The following ZNF431 variants were observed in gnomAD, a reference collection of about 807,000 sequenced individuals.
ZNF431 encodes the protein zinc finger protein 431.
In ZNF431, 34 loss-of-function variants were observed where a neutral mutation model predicts 57.0. The observed-to-expected ratio is 0.60, with a 90% CI of 0.45 to 0.79. ZNF431 has a LOEUF of 0.79. ZNF431 is among the 30% of genes least tolerant of loss of function. The pLI is 0.00. For synonymous variants in ZNF431, 207 were observed against 220.3 expected (o/e 0.94, Z 0.54); for missense variants, 607 against 667.1 (o/e 0.91, Z 0.99).
chr19:21,181,053 T>G (rs575121410), intron 4 of ZNF431, among the ~76,000 whole-genome samples: 56 of 152,312 alleles, frequency 3.7e-4, no homozygotes, highest in African/African-American at 1.1e-3. Context: ...GTTGTATATT[T>G]GCTAACAAAT....
At chr19:21,169,879 C>T in intron 4 of ZNF431, 1 of 398,584 alleles carries the variant, frequency 2.5e-6, no homozygotes, top group Non-Finnish European at 4.4e-6. Context: ...CAGTAAAAAC[C>T]AAGGTCTGTA....
In ZNF431 at chr19:21,182,763, T is replaced by C; in HGVS notation, c.460T>C (p.Tyr154His). Residue 154 changes from tyrosine (Y) to histidine (H), a missense_variant, in exon 5 of 5, where the codon TAT becomes CAT. By Grantham distance (83) the Tyr-to-His change is moderately conservative. Transcript: ENST00000311048. ...AAAAGGCTCCGCAAGTGTAGATGAGTATAAGGTGCACAAAGAAGGTTATAA... is the reference window on the plus strand; with the variant it reads ...AAAAGGCTCCGCAAGTGTAGATGAGCATAAGGTGCACAAAGAAGGTTATAA... ...LRKGSASVDEYKVHKEGYNEL... is the reference protein window; with the variant it reads ...LRKGSASVDEHKVHKEGYNEL... 1 of 1,613,650 alleles carries C rather than the reference T, an allele frequency of 6.2e-7. No individual in the cohort carries two copies. The highest frequency in any genetic ancestry group is 2.2e-5 in the East Asian group (1 of 44,810).
At chr19:21,175,372 G>T in intron 4 of ZNF431, 1 of 685,838 alleles carries the variant, frequency 1.5e-6, no homozygotes, top group Non-Finnish European at 2.6e-6. Context: ...TAAAATGACT[G>T]CTTAAAGATA....
Position 21,183,618 on chromosome 19 carries a change from C to A in ZNF431, c.1315C>A (p.Arg439=). 1 of 1,613,104 alleles carries A rather than the reference C, an allele frequency of 6.2e-7. No individual in the cohort carries two copies. Among genetic ancestry groups the A allele is most frequent in the South Asian group, 1.1e-5 (1 of 91,030 alleles). Residue 439 remains arginine, a synonymous_variant, in exon 5 of 5, where the codon CGG becomes AGG. Coordinates refer to ENST00000311048, the MANE Select transcript of ZNF431 (RefSeq NM_133473.4). The part of the protein sequence containing the change: ...KCEECGKAFN[R]SPQLTAHKII... ...TGAAGAATGTGGCAAAGCTTTTAACCGGTCCCCACAACTTACTGCACATAA... is the reference window on the plus strand; with the variant it reads ...TGAAGAATGTGGCAAAGCTTTTAACAGGTCCCCACAACTTACTGCACATAA...
intron 4 of ZNF431, among the ~76,000 whole-genome samples, chr19:21,178,052 C>G (rs977520828): frequency 6.6e-6 from 1 of 152,040 alleles, no homozygotes; most frequent in African/African-American, 2.4e-5. Context: ...GTTAGATTTA[C>G]TCCTTGGTAC....
rs559577868 is a variant in ZNF431 at position 21,174,802 on chromosome 19, C to G, written c.319+7136C>G. 7.2e-5 allele frequency among the ~76,000 whole-genome samples: 11 copies of G among 152,140 alleles called. No homozygotes were observed. The East Asian group carries it at 2.1e-3, about 29-fold the overall frequency. ...TTTTTATTTTTTTGAGATGGCATCTCGCTCTGTCACCCAGGCTGGAGAGCA... is the reference window on the plus strand; with the variant it reads ...TTTTTATTTTTTTGAGATGGCATCTGGCTCTGTCACCCAGGCTGGAGAGCA... On this transcript the variant is annotated intron_variant, in intron 4 of 4. Coordinates refer to ENST00000311048, the MANE Select transcript of ZNF431 (RefSeq NM_133473.4).
At position 21,187,868 on chromosome 19, in the gene ZNF431, C is replaced by G. The variant is rs1325382191; in HGVS notation, c.*3834C>G. 6.6e-6 allele frequency: 1 copy of G among 152,184 alleles called. No homozygotes were observed. Among genetic ancestry groups the G allele is most frequent in the Non-Finnish European group, 1.5e-5 (1 of 68,038 alleles). 9.4% of individuals were successfully genotyped at this position (152,184 alleles called of 1,614,324 possible). ...CAGTTTTCTTACTGTTGTCTTCATG[C>G]CATTTCATTTCACATGGTACTTTGT... On this transcript the variant is annotated 3_prime_UTR_variant, in exon 5 of 5. Transcript: ENST00000311048.
In ZNF431 at chr19:21,182,743, G is replaced by T. The variant is rs187363412; in HGVS notation, c.440G>T (p.Gly147Val). 1.5e-4 allele frequency: 239 copies of T among 1,613,876 alleles called. No homozygotes were observed. The highest frequency in any genetic ancestry group is 4.7e-4 in the Admixed American group (28 of 59,996). The part of the protein sequence containing the change: ...CEHENLQLRK[G>V]SASVDEYKVH... ...CATGAGAATTTACAGTTAAGAAAAGGCTCCGCAAGTGTAGATGAGTATAAG... is the reference window on the plus strand; with the variant it reads ...CATGAGAATTTACAGTTAAGAAAAGTCTCCGCAAGTGTAGATGAGTATAAG... Residue 147 changes from glycine (G) to valine (V), a missense_variant, in exon 5 of 5, where the codon GGC becomes GTC. Physicochemically the swap from Gly to Val is moderately radical, Grantham distance 109 (BLOSUM62 -3). Transcript: ENST00000311048.
At chr19:21,178,589 T>A (rs1971121893) in intron 4 of ZNF431, among the ~76,000 whole-genome samples, 1 of 152,200 alleles carries the variant, frequency 6.6e-6, no homozygotes, top group Non-Finnish European at 1.5e-5. Context: ...GATCTGTTTA[T>A]GTGATGAATT....
At chr19:21,157,689 G>A (rs1233086981) in intron 2 of ZNF431, among the ~76,000 whole-genome samples, 1 of 151,572 alleles carries the variant, frequency 6.6e-6, no homozygotes, top group Non-Finnish European at 1.5e-5. Flanking sequence ...GCGCCACCAC[G>A]CCTGGCTAAT....
At chr19:21,148,769 A>C (rs1970182633) in intron 2 of ZNF431, among the ~76,000 whole-genome samples, 1 of 152,208 alleles carries the variant, frequency 6.6e-6, no homozygotes, top group South Asian at 2.1e-4. Flanking sequence ...TTGGTAAGTA[A>C]GGAATTTTAA....
intron 4 of ZNF431, among the ~76,000 whole-genome samples, chr19:21,171,301 C>A (rs910234434): frequency 6.7e-6 from 1 of 149,486 alleles, no homozygotes; most frequent in Non-Finnish European, 1.5e-5. Context: ...CTAGACAATT[C>A]TTTTTTAATG....
chr19:21,173,977 ACT>A (rs924221917), intron 4 of ZNF431, among the ~76,000 whole-genome samples: 1 of 139,032 alleles, frequency 7.2e-6, no homozygotes, highest in African/African-American at 2.7e-5. Flanking sequence ...TGGGAGTCTC[ACT>A]CTCTCACCCA....
chr19:21,178,671 G>T (rs541168404), intron 4 of ZNF431, among the ~76,000 whole-genome samples: 13 of 152,022 alleles, frequency 8.6e-5, no homozygotes, highest in African/African-American at 2.7e-4. Context: ...ATCAATTTTT[G>T]TATGTTGAAC....
At chr19:21,145,647 A>G (rs912856582) in intron 2 of ZNF431, among the ~76,000 whole-genome samples, 2 of 152,180 alleles carry the variant, frequency 1.3e-5, no homozygotes, top group Non-Finnish European at 2.9e-5. Flanking sequence ...ATGAAAGGGG[A>G]CTGAGAGGAT....
intron 2 of ZNF431, among the ~76,000 whole-genome samples, chr19:21,158,899 A>G (rs1970497490): frequency 6.6e-6 from 1 of 152,146 alleles, no homozygotes; most frequent in Admixed American, 6.6e-5. Context: ...GTCTTGTGCC[A>G]GTTTTCAAGG....
intron 2 of ZNF431, among the ~76,000 whole-genome samples, chr19:21,155,811 T>C (rs1970400969): frequency 6.6e-6 from 1 of 152,148 alleles, no homozygotes; most frequent in South Asian, 2.1e-4. Context: ...TCTACAGATT[T>C]GGTGGCAGAA....
intron 2 of ZNF431, among the ~76,000 whole-genome samples, chr19:21,146,075 G>A (rs1254202957): frequency 6.6e-6 from 1 of 152,136 alleles, no homozygotes; most frequent in Non-Finnish European, 1.5e-5. Flanking sequence ...AATGTGCAGA[G>A]TTCTACCAGA....
chr19:21,173,256 A>AAT (rs1970958153), intron 4 of ZNF431, among the ~76,000 whole-genome samples: 1 of 152,160 alleles, frequency 6.6e-6, no homozygotes, highest in Non-Finnish European at 1.5e-5. Context: ...TGGATGTTCA[A>AAT]ATATGTCTTC....
Sources: allele counts gnomAD v4.1 joint callset (sites outside exome capture counted in the v4.1 genomes callset), GRCh38; gene constraint gnomAD v4.1.1; transcripts MANE v1.5; gene names NCBI Gene and HGNC (gene_info 2026-07-23, HGNC 2026-07-21).